The following DENND4A variants were observed in gnomAD, a reference collection of about 807,000 sequenced individuals.
DENND4A encodes the protein C-myc promoter-binding protein.
DENND4A carries 70 observed loss-of-function variants against 199.3 expected under a neutral mutation model. The observed-to-expected ratio is 0.35, with a 90% CI of 0.29 to 0.43. The LOEUF is 0.43. Among genes scored for constraint, DENND4A ranks in the 20% least tolerant of loss-of-function variants. The probability of loss-of-function intolerance (pLI) is 1.00; values close to 1 mark genes in which losing one functional copy is unlikely to be tolerated. For synonymous variants in DENND4A, 686 were observed against 766.9 expected, an observed-to-expected ratio of 0.89 and a Z score of 1.74; for missense variants, 1,723 against 2,255.8, an observed-to-expected ratio of 0.76 and a Z score of 4.78.
At position 65,702,330 on chromosome 15, in the gene DENND4A, G is replaced by T; in HGVS notation, c.2405C>A (p.Ser802Ter). ...CTCATCAGGTGGATCCATCTTCTTT[G>T]ACTGCATTTTTTTAAGCACATCATA... is the stretch of plus-strand genomic sequence containing the variant. Reference protein sequence around the residue: ...TAYDVLKKMQSKKMDPPDEVC... With the variant: ...TAYDVLKKMQ The change falls in exon 17 of 33, where the codon TCA (serine) becomes TAA (stop). Residue 802 changes from serine to a stop codon, truncating the protein, a stop_gained. Transcript: ENST00000443035. LOFTEE classifies it high-confidence loss of function. 6.4e-7 allele frequency: 1 copy of T among 1,552,092 alleles called. No homozygotes were observed. The highest frequency in any genetic ancestry group is 1.2e-5 in the South Asian group (1 of 84,046).
At chr15:65,785,377 C>G (rs1297838815) in intron 1 of DENND4A, among the ~76,000 whole-genome samples, 2 of 149,934 alleles carry the variant, frequency 1.3e-5, no homozygotes, top group Non-Finnish European at 3.0e-5. Flanking sequence ...GTAGTACCAG[C>G]TACTCGGGAG....
chr15:65,687,131 T>G (rs986703885), intron 23 of DENND4A, among the ~76,000 whole-genome samples: 5 of 152,336 alleles, frequency 3.3e-5, no homozygotes, highest in African/African-American at 1.2e-4. Flanking sequence ...TAAGACTATT[T>G]GAATATTTTT....
At chr15:65,773,038 G>T (rs1349303419) in intron 1 of DENND4A, among the ~76,000 whole-genome samples, 2 of 141,018 alleles carry the variant, frequency 1.4e-5, no homozygotes, top group African/African-American at 2.6e-5. Flanking sequence ...ATCATTCTTA[G>T]AGCAGTGATA....
chr15:65,720,947 TTA>T lies in DENND4A; in HGVS notation c.1588+1899_1588+1900del, dbSNP rs72498783. ...AAAGTTGAATGGGCTGTTTCATTGA[TTA>T]TATATATATATATATATATATATAT... is the stretch of plus-strand genomic sequence containing the variant. On this transcript the variant is annotated intron_variant, in intron 12 of 32. Coordinates refer to ENST00000443035, the MANE Select transcript of DENND4A (RefSeq NM_001320835.1). Among the ~76,000 whole-genome samples, 676 of 76,216 alleles carry T rather than the reference TTA, an allele frequency of 8.9e-3. 31 individuals are homozygous for T. Among genetic ancestry groups the T allele is most frequent in the South Asian group, 0.032 (81 of 2,550 alleles). 50.0% of individuals were successfully genotyped at this position (76,216 alleles called of 152,430 possible).
At chr15:65,782,061 C>T (rs998886038) in intron 1 of DENND4A, among the ~76,000 whole-genome samples, 3 of 152,152 alleles carry the variant, frequency 2.0e-5, no homozygotes, top group Non-Finnish European at 4.4e-5. Context: ...CCCACAAGGG[C>T]CCTTGTCATT....
chr15:65,711,114 C>T (rs1453594200), intron 14 of DENND4A, among the ~76,000 whole-genome samples: 1 of 152,100 alleles, frequency 6.6e-6, no homozygotes, highest in Non-Finnish European at 1.5e-5. Context: ...AAGGCAAACA[C>T]AAAACTTTGC....
chr15:65,785,512 T>A (rs1057097005), intron 1 of DENND4A, among the ~76,000 whole-genome samples: 4 of 149,878 alleles, frequency 2.7e-5, no homozygotes, highest in African/African-American at 7.3e-5. Context: ...AAAAAAAAAT[T>A]ATTAAATTCT....
intron 1 of DENND4A, among the ~76,000 whole-genome samples, chr15:65,763,868 G>A (rs1465187123): frequency 6.6e-6 from 1 of 152,072 alleles, no homozygotes; most frequent in Non-Finnish European, 1.5e-5. Context: ...TAAATATGCA[G>A]TGGTAAATGT....
intron 3 of DENND4A, among the ~76,000 whole-genome samples, chr15:65,755,326 T>A (rs550553974): frequency 6.6e-6 from 1 of 152,226 alleles, no homozygotes; most frequent in Non-Finnish European, 1.5e-5. Context: ...GTTGCAAAAC[T>A]CTGAAAATAC....
intron 4 of DENND4A, among the ~76,000 whole-genome samples, chr15:65,746,544 G>A (rs2076403523): frequency 6.6e-6 from 1 of 151,044 alleles, no homozygotes; most frequent in South Asian, 2.1e-4. Context: ...GCACTACCAG[G>A]CCTGGCTAAT....
At chr15:65,727,997 T>C (rs2075854613) in intron 11 of DENND4A, among the ~76,000 whole-genome samples, 1 of 151,892 alleles carries the variant, frequency 6.6e-6, no homozygotes, top group Non-Finnish European at 1.5e-5. Context: ...ATGAGTTTTT[T>C]TTGTTTGTTT....
intron 23 of DENND4A, among the ~76,000 whole-genome samples, chr15:65,681,992 T>C (rs1255042511): frequency 6.6e-6 from 1 of 152,236 alleles, no homozygotes; most frequent in East Asian, 1.9e-4. Flanking sequence ...CAGTAAACCA[T>C]GTTGTAAACA....
At chr15:65,765,945 ACTTT>A (rs775627608) in intron 1 of DENND4A, among the ~76,000 whole-genome samples, 3 of 152,184 alleles carry the variant, frequency 2.0e-5, no homozygotes, top group Non-Finnish European at 4.4e-5. Flanking sequence ...CAAAAACAAT[ACTTT>A]CTTACAAAAT....
chr15:65,749,920 C>T (rs754083906), intron 4 of DENND4A, among the ~76,000 whole-genome samples: 4 of 152,078 alleles, frequency 2.6e-5, no homozygotes, highest in Non-Finnish European at 5.9e-5. Context: ...ACTTATTCTT[C>T]CAGAGACACT....
intron 2 of DENND4A, among the ~76,000 whole-genome samples, chr15:65,760,315 G>A (rs557191546): frequency 1.5e-4 from 23 of 151,904 alleles, no homozygotes; most frequent in Admixed American, 2.6e-4. Context: ...TGGCTAACAC[G>A]GTGAAACCCC....
chr15:65,737,838 A>T lies in DENND4A; in HGVS notation c.909T>A (p.Ser303Arg). ...GLTSADGKSD[S>R]SKTIHTNKCI... is the part of the protein sequence containing the mutation. ...ATTTGTTAGTATGAATTGTTTTGGA[A>T]CTATCAGACTTCCCATCTGCTGATG... The change falls in exon 7 of 33, where the codon AGT becomes AGA. Residue 303 changes from serine to arginine, a missense_variant. This residue lies in a region of DENND4A where 725 missense variants were observed against 952.9 expected (regional missense o/e 0.76). Transcript: ENST00000443035. 6.2e-7 allele frequency: 1 copy of T among 1,603,564 alleles called. No individual in the cohort carries two copies. The highest frequency in any genetic ancestry group is 8.5e-7 in the Non-Finnish European group (1 of 1,174,554).
chr15:65,703,127 C>A (rs2074933356), intron 15 of DENND4A, 119 bp from the exon 16 acceptor site: 3 of 900,144 alleles, frequency 3.3e-6, no homozygotes, highest in African/African-American at 1.7e-5. Flanking sequence ...ATTTAACTAT[C>A]TTTCTTTGTC....
Position 65,674,891 on chromosome 15 carries a change from CGTT to C in DENND4A, c.4369+1551_4369+1553del, listed in dbSNP as rs902609799. Among the ~76,000 whole-genome samples the C allele has an allele frequency of 7.2e-5, 11 of 152,134 alleles. No individual in the cohort carries two copies. The East Asian group carries it at 1.2e-3, about 16-fold the overall frequency. ...AATAACTCATTGAGGAAGGAGAAAA[CGTT>C]GGCAGCAAAGGAGAAAGGAACAGAT... is the stretch of plus-strand genomic sequence containing the variant. On this transcript the variant is annotated intron_variant, in intron 24 of 32. Transcript: ENST00000443035.
chr15:65,717,540 G>T (rs528066309), intron 13 of DENND4A, among the ~76,000 whole-genome samples: 92 of 152,230 alleles, frequency 6.0e-4, no homozygotes, highest in African/African-American at 2.1e-3. Context: ...AGTGTAGTCG[G>T]TATATGGTTG....
Sources: allele counts gnomAD v4.1 joint callset (sites outside exome capture counted in the v4.1 genomes callset), GRCh38; gene constraint gnomAD v4.1.1; regional missense constraint gnomAD v4.1.1; transcripts MANE v1.5; gene names NCBI Gene and HGNC (gene_info 2026-07-23, HGNC 2026-07-21).